DHX57: variants seen among roughly 807,000 people sequenced by gnomAD.
DHX57 encodes the protein putative ATP-dependent RNA helicase DHX57.
In DHX57, 105 loss-of-function variants were observed where a neutral mutation model predicts 156.2. That is an observed-to-expected ratio of 0.67 (90% confidence interval 0.57 to 0.79). DHX57 has a LOEUF of 0.79. Ranked by LOEUF, DHX57 falls within the 30% of genes least tolerant of loss-of-function variation. The probability of loss-of-function intolerance (pLI) is 0.00; values close to 1 mark genes in which losing one functional copy is unlikely to be tolerated. For synonymous variants in DHX57, 704 were observed against 595.6 expected (o/e 1.18, Z -2.65); for missense variants, 1,847 against 1,661.9 (o/e 1.11, Z -1.94).
intron 12 of DHX57, among the ~76,000 whole-genome samples, chr2:38,842,567 GA>G (rs1297945270): frequency 2.7e-5 from 4 of 146,976 alleles, no homozygotes; most frequent in African/African-American, 7.5e-5. Flanking sequence ...AGGAGATTCA[GA>G]AAAAAAAAAT....
Position 38,834,730 on chromosome 2 carries a change from C to G in DHX57, c.2542+3101G>C, listed in dbSNP as rs752010704. ...CAAAAGGTGAATTGCTCAATATGTT[C>G]CGCAGATGGAGGTCTATAACCGTGG... On this transcript the variant is annotated intron_variant, in intron 13 of 23. Coordinates refer to ENST00000457308, the MANE Select transcript of DHX57 (RefSeq NM_198963.3). Among the ~76,000 whole-genome samples, 45 of 152,190 alleles carry G rather than the reference C, an allele frequency of 3.0e-4. 1 individual carries two copies. Among genetic ancestry groups the G allele is most frequent in the Middle Eastern group, 3.4e-3 (1 of 294 alleles).
Position 38,856,334 on chromosome 2 carries a change from T to C in DHX57, c.1709+6A>G. On this transcript the variant is annotated splice_donor_region_variant and intron_variant, in intron 7 of 23. Coordinates refer to ENST00000457308, the MANE Select transcript of DHX57 (RefSeq NM_198963.3). ...AAAGCTACAGATGAATAAACTGCAT[T>C]CTTACCCAGTCATACCACTTATGAC... The C allele has an allele frequency of 6.2e-7, 1 of 1,606,596 alleles. No homozygotes were observed. The highest frequency in any genetic ancestry group is 1.1e-5 in the South Asian group (1 of 89,096).
chr2:38,868,374 G>A lies in DHX57; in HGVS notation c.32C>T (p.Pro11Leu). 1 of 1,613,248 alleles carries A rather than the reference G, an allele frequency of 6.2e-7. No individual in the cohort carries two copies. Among genetic ancestry groups the A allele is most frequent in the Non-Finnish European group, 8.5e-7 (1 of 1,179,984 alleles). Residue 11 changes from proline (P) to leucine (L), a missense_variant, in exon 2 of 24, where the codon CCA becomes CTA. Physicochemically the swap from Pro to Leu is moderately conservative, Grantham distance 98. Coordinates refer to ENST00000457308, the MANE Select transcript of DHX57 (RefSeq NM_198963.3). MSSSVRRKGK[P>L]GKGGGKGSSR... The stretch of plus-strand genomic sequence containing the variant: ...AGACCCTTTTCCACCTCCTTTGCCT[G>A]GCTTGCCTTTTCTTCTTACTGAAGA...
intron 11 of DHX57, among the ~76,000 whole-genome samples, chr2:38,845,847 G>A (rs986649193): frequency 2.0e-5 from 3 of 151,230 alleles, no homozygotes; most frequent in Non-Finnish European, 4.4e-5. Flanking sequence ...CAATGATGAT[G>A]ATGATAATAA....
At chr2:38,855,034 G>A in intron 8 of DHX57, 23 bp downstream of exon 8, 2 of 1,613,998 alleles carry the variant, frequency 1.2e-6, no homozygotes, top group South Asian at 1.1e-5. Context: ...TCTGTTACCA[G>A]GAAATAAGCA....
intron 22 of DHX57, chr2:38,803,166 T>A (rs1572612356): frequency 4.7e-6 from 2 of 428,000 alleles, no homozygotes; most frequent in East Asian, 9.8e-5. Context: ...TTCGTAGAGA[T>A]AGGGTCTCAC....
Position 38,861,237 on chromosome 2 carries a change from C to G in DHX57, c.1173G>C (p.Glu391Asp). The part of the protein sequence containing the change: ...LPLACRLHIS[E>D]FLYDKALTFA... ...ATGTCAAGGCCTTGTCATAAAGAAA[C>G]TCAGAAATATGTAAACGACAAGCCA... The change falls in exon 5 of 24, where the codon GAG becomes GAC. Residue 391 changes from glutamate to aspartate, a missense_variant. Transcript: ENST00000457308. The G allele has an allele frequency of 2.5e-6, 4 of 1,614,088 alleles. No individual in the cohort carries two copies. The African/African-American group carries it at 4.0e-5, about 16-fold the overall frequency.
rs912323145 is a variant in DHX57, at chr2:38,875,846, G to A, written c.-66C>T. On this transcript the variant is annotated 5_prime_UTR_variant, in exon 1 of 24. Coordinates refer to ENST00000457308, the MANE Select transcript of DHX57 (RefSeq NM_198963.3). The stretch of plus-strand genomic sequence containing the variant: ...GGGAGGTGCTGCCCAAGGGTCAGAG[G>A]TCCAAACTGGACTTGGCCACCCTCA... 1.5e-5 allele frequency: 6 copies of A among 393,964 alleles called. No homozygotes were observed. The highest frequency in any genetic ancestry group is 1.4e-4 in the East Asian group (4 of 27,774). The allele number at this position is 393,964 out of a possible 1,614,324, so 24.4% of individuals were successfully genotyped here. A position where few individuals can be genotyped will look rare whatever the true frequency, so the allele number is the denominator to read the frequency against.
chr2:38,861,265 G>A lies in DHX57; in HGVS notation c.1145C>T (p.Pro382Leu), dbSNP rs1282164654. 9 of 1,614,040 alleles carry A rather than the reference G, an allele frequency of 5.6e-6. No homozygotes were observed. The highest frequency in any genetic ancestry group is 1.3e-5 in the African/African-American group (1 of 74,902). Residue 382 changes from proline (P) to leucine (L), a missense_variant, in exon 5 of 24, where the codon CCT becomes CTT. Coordinates refer to ENST00000457308, the MANE Select transcript of DHX57 (RefSeq NM_198963.3). ...VAFYSTNENLPLACRLHISEF... is the reference protein window; with the variant it reads ...VAFYSTNENLLLACRLHISEF... ...AGAAATATGTAAACGACAAGCCAGA[G>A]GTAGGTTCTCATTGGTGGAATAAAA...
intron 1 of DHX57, among the ~76,000 whole-genome samples, chr2:38,870,911 C>A (rs1665323565): frequency 6.7e-6 from 1 of 150,120 alleles, no homozygotes; most frequent in South Asian, 2.1e-4. Context: ...AAAAAAAAAA[C>A]AACAAAAAAT....
At chr2:38,865,179 C>T (rs955103155) in intron 2 of DHX57, among the ~76,000 whole-genome samples, 8 of 151,950 alleles carry the variant, frequency 5.3e-5, no homozygotes, top group South Asian at 2.1e-4. Context: ...ATTCTTTATA[C>T]GGTTGATAAT....
intron 9 of DHX57, chr2:38,853,310 A>T (rs1004233483): frequency 6.6e-6 from 1 of 151,892 alleles, no homozygotes; most frequent in Non-Finnish European, 1.5e-5. Context: ...TTTCGTGGAA[A>T]CATGGTCTCA....
chr2:38,837,976 G>T (rs1241501985), intron 12 of DHX57, 29 bp from the exon 13 acceptor site: 1 of 1,360,726 alleles, frequency 7.3e-7, no homozygotes, highest in Non-Finnish European at 1.1e-6. Context: ...AAAATGAGAA[G>T]GATATTTATA....
chr2:38,857,721 T>C (rs182826904), intron 6 of DHX57, among the ~76,000 whole-genome samples: 30 of 152,346 alleles, frequency 2.0e-4, no homozygotes, highest in East Asian at 7.7e-4. Flanking sequence ...TGAATTCTTT[T>C]AAAATAATCT....
In DHX57 at chr2:38,848,403, C is replaced by T; in HGVS notation, c.2031-1G>A. On this transcript the variant is annotated splice_acceptor_variant, in intron 9 of 23. Transcript: ENST00000457308. LOFTEE classifies it high-confidence loss of function. ...CTTCAAAACTAGCAGCAAGAAGTCA[C>T]TAGAGAAAATAAAAGAAACACCTGA... The T allele has an allele frequency of 6.3e-7, 1 of 1,583,920 alleles. No individual in the cohort carries two copies. Among genetic ancestry groups the T allele is most frequent in the Non-Finnish European group, 8.5e-7 (1 of 1,170,318 alleles).
At position 38,856,398 on chromosome 2, in the gene DHX57, CTCTT is replaced by C; in HGVS notation, c.1647_1650del (p.Arg550LysfsTer15). ...TTACGCAATAAGTTAAGAATGGTTT[CTCTT>C]TCTTCCCAAGCAGGGAGTGATTGCC... On this transcript the variant is annotated frameshift_variant, in exon 7 of 24. Transcript: ENST00000457308. LOFTEE classifies it high-confidence loss of function. 1 of 1,613,902 alleles carries C rather than the reference CTCTT, an allele frequency of 6.2e-7. No individual in the cohort carries two copies. The highest frequency in any genetic ancestry group is 1.7e-4 in the Middle Eastern group (1 of 6,060).
At chr2:38,816,220 T>A (rs1040949490) in intron 19 of DHX57, 18 of 394,634 alleles carry the variant, frequency 4.6e-5, no homozygotes, top group Middle Eastern at 3.5e-4. Flanking sequence ...GATTCAATAT[T>A]TTTTTTTTTT....
intron 21 of DHX57, among the ~76,000 whole-genome samples, chr2:38,813,439 C>T (rs896762829): frequency 2.0e-5 from 3 of 151,190 alleles, no homozygotes; most frequent in East Asian, 2.0e-4. Flanking sequence ...GGCGCAATCT[C>T]GGCTCATTGC....
intron 21 of DHX57, chr2:38,811,197 G>T: frequency 4.1e-6 from 2 of 489,458 alleles, no homozygotes; most frequent in South Asian, 1.8e-5. Flanking sequence ...TATTCCATCA[G>T]ATCACTGCGG....
Sources: gnomAD v4.1 joint callset for allele counts (sites outside exome capture counted in the v4.1 genomes callset) on GRCh38, gnomAD v4.1.1 for gene constraint, MANE v1.5 for transcripts, NCBI Gene and HGNC (gene_info 2026-07-23, HGNC 2026-07-21) for gene names.